ARFGEF3: variants seen among roughly 807,000 people sequenced by gnomAD.
The protein encoded by ARFGEF3 is ARFGEF family member 3.
In ARFGEF3, 96 loss-of-function variants were observed where a neutral mutation model predicts 221.7. The ratio of observed to expected loss-of-function variants is 0.43; its 90% CI spans 0.37 to 0.51. The LOEUF (loss-of-function observed/expected upper bound fraction) is 0.51. Among genes scored for constraint, ARFGEF3 ranks in the 20% least tolerant of loss-of-function variants. ARFGEF3 has a pLI of 0.00. For synonymous variants in ARFGEF3, 1,145 were observed against 1,126.8 expected (o/e 1.02, Z -0.32); for missense variants, 2,410 against 2,789.9 (o/e 0.86, Z 3.07).
At chr6:138,235,291 T>G (rs142654308) in intron 5 of ARFGEF3, among the ~76,000 whole-genome samples, 26 of 152,336 alleles carry the variant, frequency 1.7e-4, no homozygotes, top group African/African-American at 6.0e-4. Context: ...AGTGAAATGA[T>G]CACAAAGTGT....
chr6:138,209,577 G>A (rs1254868280), intron 3 of ARFGEF3, among the ~76,000 whole-genome samples: 1 of 152,120 alleles, frequency 6.6e-6, no homozygotes, highest in Non-Finnish European at 1.5e-5. Flanking sequence ...AGCCTCCCGA[G>A]TAGCTGGGAT....
intron 5 of ARFGEF3, 83 bp downstream of exon 5, chr6:138,229,935 C>A: frequency 8.8e-7 from 1 of 1,140,984 alleles, no homozygotes; most frequent in South Asian, 1.3e-5. Context: ...AACTAAGCCC[C>A]AGCACTGGAG....
intron 2 of ARFGEF3, among the ~76,000 whole-genome samples, chr6:138,180,641 C>T (rs1036509607): frequency 6.6e-6 from 1 of 152,092 alleles, no homozygotes; most frequent in African/African-American, 2.4e-5. Context: ...TTGGTTAGTC[C>T]AAGCCTGGCT....
intron 27 of ARFGEF3, among the ~76,000 whole-genome samples, chr6:138,317,989 A>G (rs1445794555): frequency 6.6e-6 from 1 of 152,184 alleles, no homozygotes; most frequent in Non-Finnish European, 1.5e-5. Context: ...TATACATGCC[A>G]ATTTCTCAAG....
intron 1 of ARFGEF3, among the ~76,000 whole-genome samples, chr6:138,167,354 C>T (rs1463990650): frequency 5.3e-5 from 8 of 152,130 alleles, no homozygotes; most frequent in Admixed American, 1.3e-4. Context: ...TATCACTAGT[C>T]GACACCAGTG....
chr6:138,228,490 T>G (rs1199673526), intron 4 of ARFGEF3, among the ~76,000 whole-genome samples: 2 of 151,996 alleles, frequency 1.3e-5, no homozygotes, highest in African/African-American at 4.8e-5. Context: ...CCCAGCCAAC[T>G]GAGCTGATTT....
intron 6 of ARFGEF3, among the ~76,000 whole-genome samples, chr6:138,240,448 T>C (rs1778372664): frequency 6.6e-6 from 1 of 152,184 alleles, no homozygotes; most frequent in Admixed American, 6.5e-5. Flanking sequence ...AGGTTTCCAG[T>C]CAAATATCCC....
chr6:138,218,304 T>G, intron 4 of ARFGEF3: 1 of 1,578,284 alleles, frequency 6.3e-7, no homozygotes, highest in Non-Finnish European at 8.6e-7. Flanking sequence ...CCTTGGGAAG[T>G]TACTTAATCT....
In ARFGEF3 at chr6:138,321,221, A is replaced by G; in HGVS notation, c.4762A>G (p.Ile1588Val). ...CATCTCCAGAGTGGGCTGCTCCTGTATTAGGTGAGGAAATGCTTTCCTGAC... is the reference window on the plus strand; with the variant it reads ...CATCTCCAGAGTGGGCTGCTCCTGTGTTAGGTGAGGAAATGCTTTCCTGAC... ...ETISRVGCSC[I>V]RYVLVTAGPV... is the part of the protein sequence containing the mutation. Residue 1588 changes from isoleucine to valine, a missense_variant, in exon 29 of 34, where the codon ATT becomes GTT. This residue lies in a region of ARFGEF3 where 723 missense variants were observed against 991.9 expected (regional missense o/e 0.73). Coordinates refer to ENST00000251691, the MANE Select transcript of ARFGEF3 (RefSeq NM_020340.5). 6.6e-7 allele frequency: 1 copy of G among 1,509,892 alleles called. No homozygotes were observed. The highest frequency in any genetic ancestry group is 9.0e-7 in the Non-Finnish European group (1 of 1,113,644). The allele number at this position is 1,509,892 out of a possible 1,614,324, so 93.5% of individuals were successfully genotyped here. A position where few individuals can be genotyped will look rare whatever the true frequency, so the allele number is the denominator to read the frequency against.
intron 13 of ARFGEF3, among the ~76,000 whole-genome samples, chr6:138,279,573 G>A (rs1342423098): frequency 6.6e-6 from 1 of 152,200 alleles, no homozygotes; most frequent in African/African-American, 2.4e-5. Context: ...TTGATAAATT[G>A]TAAATTCCCA....
intron 7 of ARFGEF3, 58 bp from the exon 8 acceptor site, chr6:138,245,455 G>T (rs1778467813): frequency 8.4e-7 from 1 of 1,194,112 alleles, no homozygotes; most frequent in South Asian, 1.3e-5. Flanking sequence ...GGATGGTTCA[G>T]GGAGCTCGTC....
At chr6:138,167,382 C>T (rs6938350) in intron 1 of ARFGEF3, among the ~76,000 whole-genome samples, 109 of 152,300 alleles carry the variant, frequency 7.2e-4, no homozygotes, top group African/African-American at 2.5e-3. Flanking sequence ...ACGCACACCC[C>T]GCAACTTAGC....
In ARFGEF3 at chr6:138,286,030, G is replaced by T; in HGVS notation, c.2546G>T (p.Arg849Ile). 3.1e-6 allele frequency: 5 copies of T among 1,606,736 alleles called. No homozygotes were observed. Among genetic ancestry groups the T allele is most frequent in the Non-Finnish European group, 4.2e-6 (5 of 1,178,756 alleles). Residue 849 changes from arginine to isoleucine, a missense_variant, in exon 15 of 34, where the codon AGA (arginine) becomes ATA (isoleucine). Transcript: ENST00000251691. ...GAGTCTCCTTTCGCCCAGAGCAGGAGAATTGATGACTCCACAGTGGCAGGT... is the reference window on the plus strand; with the variant it reads ...GAGTCTCCTTTCGCCCAGAGCAGGATAATTGATGACTCCACAGTGGCAGGT... The part of the protein sequence containing the change: ...ATESPFAQSR[R>I]IDDSTVAGVA...
chr6:138,194,871 G>T (rs1777380172), intron 2 of ARFGEF3, among the ~76,000 whole-genome samples: 2 of 151,912 alleles, frequency 1.3e-5, no homozygotes, highest in South Asian at 4.2e-4. Context: ...ATTCAGGAAG[G>T]ATGACATTGA....
In ARFGEF3 at chr6:138,245,533, T is replaced by C. The variant is rs765266877; in HGVS notation, c.607T>C (p.Cys203Arg). Residue 203 changes from cysteine (C) to arginine (R), a missense_variant, in exon 8 of 34, where the codon TGT (cysteine) becomes CGT (arginine). Cys to Arg is a radical substitution (Grantham distance 180). Transcript: ENST00000251691. Reference sequence around the variant, plus strand: ...TGAAGGGTCAACAGTAGAGTCCCTCTGTGATGATGTTGTCTCTGTACTCAC... The same window carrying C: ...TGAAGGGTCAACAGTAGAGTCCCTCCGTGATGATGTTGTCTCTGTACTCAC... ...GNQGSTVESLCDDVVSVLTVL... is the reference protein window; with the variant it reads ...GNQGSTVESLRDDVVSVLTVL... 1.4e-5 allele frequency: 22 copies of C among 1,611,404 alleles called. No individual in the cohort carries two copies. Among genetic ancestry groups the C allele is most frequent in the Admixed American group, 5.0e-5 (3 of 59,718 alleles).
intron 12 of ARFGEF3, 82 bp downstream of exon 12, chr6:138,263,693 T>C: frequency 8.0e-7 from 1 of 1,250,582 alleles, no homozygotes; most frequent in Non-Finnish European, 1.1e-6. Context: ...ATCATGCTTA[T>C]AGTTTGACGT....
chr6:138,216,851 T>C (rs1296764277), intron 4 of ARFGEF3: 2 of 152,224 alleles, frequency 1.3e-5, no homozygotes, highest in African/African-American at 4.8e-5. Context: ...GTTTGTGCAG[T>C]TAATGCAGGG....
chr6:138,181,534 C>T lies in ARFGEF3; in HGVS notation c.137+10821C>T, dbSNP rs959904854. Among the ~76,000 whole-genome samples, 12 of 152,306 alleles carry T rather than the reference C, an allele frequency of 7.9e-5. No individual in the cohort carries two copies. The South Asian group carries it at 1.2e-3, about 16-fold the overall frequency. Reference sequence around the variant, plus strand: ...TTTGGGCTCACTGCAACCTCTGTCTCCCGGGTTCAAGCAATTCTCCTGCCT... The same window carrying T: ...TTTGGGCTCACTGCAACCTCTGTCTTCCGGGTTCAAGCAATTCTCCTGCCT... On this transcript the variant is annotated intron_variant, in intron 2 of 33. Coordinates refer to ENST00000251691, the MANE Select transcript of ARFGEF3 (RefSeq NM_020340.5).
intron 22 of ARFGEF3, among the ~76,000 whole-genome samples, chr6:138,304,459 T>A (rs976841122): frequency 1.3e-5 from 2 of 152,208 alleles, no homozygotes; most frequent in Non-Finnish European, 2.9e-5. Context: ...ATTAACCTCA[T>A]AAACTTGTCA....
Sources: allele counts gnomAD v4.1 joint callset (sites outside exome capture counted in the v4.1 genomes callset), GRCh38; gene constraint gnomAD v4.1.1; regional missense constraint gnomAD v4.1.1; transcripts MANE v1.5; gene names NCBI Gene and HGNC (gene_info 2026-07-23, HGNC 2026-07-21).